The following FMNL3 variants were observed in gnomAD, a reference collection of about 807,000 sequenced individuals.
FMNL3 encodes formin like 3.
In FMNL3, 57 loss-of-function variants were observed where a neutral mutation model predicts 119.6. The ratio of observed to expected loss-of-function variants is 0.48; its 90% CI spans 0.39 to 0.59. The LOEUF (loss-of-function observed/expected upper bound fraction) is 0.59. Ranked by LOEUF, FMNL3 falls within the 20% of genes least tolerant of loss-of-function variation. The pLI is 0.00. For missense variants in FMNL3, 1,053 were observed against 1,323.5 expected, an observed-to-expected ratio of 0.80 and a Z score of 3.17; for synonymous variants, 491 against 507.3, an observed-to-expected ratio of 0.97 and a Z score of 0.43.
At position 49,691,850 on chromosome 12, in the gene FMNL3, A is replaced by G. The variant is rs565704495; in HGVS notation, c.126+15205T>C. Among the ~76,000 whole-genome samples the G allele has an allele frequency of 1.2e-3, 188 of 152,126 alleles. 1 individual carries two copies. The highest frequency in any genetic ancestry group is 2.3e-3 in the Non-Finnish European group (155 of 68,006). On this transcript the variant is annotated intron_variant, in intron 1 of 25. Coordinates refer to ENST00000335154, the MANE Select transcript of FMNL3 (RefSeq NM_175736.5). The stretch of plus-strand genomic sequence containing the variant: ...GTAGTTTGAGACCAGCCTGGCCAAC[A>G]TGGTGAAACCCCCATCTCTACTAAA...
Position 49,645,202 on chromosome 12 carries a change from GAGA to G in FMNL3, c.*610_*612del, listed in dbSNP as rs1943130774. On this transcript the variant is annotated 3_prime_UTR_variant, in exon 26 of 26. Transcript: ENST00000335154. Reference sequence around the variant, plus strand: ...CCATCTGCAGAGAGTGGTTGGTGCAGAGAAGACCTCTGCTCTTCTGCCCACCTT... The same window carrying G: ...CCATCTGCAGAGAGTGGTTGGTGCAGAGACCTCTGCTCTTCTGCCCACCTT... 1.3e-5 allele frequency: 2 copies of G among 151,630 alleles called. No individual in the cohort carries two copies. Among genetic ancestry groups the G allele is most frequent in the South Asian group, 4.1e-4 (2 of 4,822 alleles). 9.4% of individuals were successfully genotyped at this position (151,630 alleles called of 1,614,324 possible).
In FMNL3 at chr12:49,685,817, A is replaced by G. The variant is rs774344643; in HGVS notation, c.127-17263T>C. On this transcript the variant is annotated intron_variant, in intron 1 of 25. Transcript: ENST00000335154. ...TGCGGTGGCTCACAACTGTAATCCC[A>G]GCACTTTGGGAGGCCAAGGCAGGGG... Among the ~76,000 whole-genome samples, 130 of 152,354 alleles carry G rather than the reference A, an allele frequency of 8.5e-4. 1 individual carries two copies. Among genetic ancestry groups the G allele is most frequent in the Admixed American group, 6.1e-3 (94 of 15,312 alleles).
At chr12:49,673,519 C>T (rs1332758528) in intron 1 of FMNL3, among the ~76,000 whole-genome samples, 2 of 152,258 alleles carry the variant, frequency 1.3e-5, no homozygotes, top group Non-Finnish European at 2.9e-5. Flanking sequence ...GTGTAAGGAA[C>T]GGCCTCCACA....
chr12:49,639,178 T>C lies in FMNL3; in HGVS notation c.*6637A>G, dbSNP rs1480235769. On this transcript the variant is annotated 3_prime_UTR_variant, in exon 26 of 26. Coordinates refer to ENST00000335154, the MANE Select transcript of FMNL3 (RefSeq NM_175736.5). ...GGGAATGATCAGATTAGATGGTGTA[T>C]AGTAGAACCTTTCAGTCTAGAGTAC... is the stretch of plus-strand genomic sequence containing the variant. 1 of 152,190 alleles carries C rather than the reference T, an allele frequency of 6.6e-6. No individual in the cohort carries two copies. Among genetic ancestry groups the C allele is most frequent in the Non-Finnish European group, 1.5e-5 (1 of 68,036 alleles). 9.4% of individuals were successfully genotyped at this position (152,190 alleles called of 1,614,324 possible). A position where few individuals can be genotyped will look rare whatever the true frequency, so the allele number is the denominator to read the frequency against.
intron 2 of FMNL3, 92 bp from the exon 3 acceptor site, chr12:49,666,299 T>C: frequency 8.8e-7 from 1 of 1,136,744 alleles, no homozygotes; most frequent in South Asian, 1.5e-5. Flanking sequence ...GTGTTCAGTG[T>C]GAGGGGGACT....
At chr12:49,681,800 T>C (rs1944343235) in intron 1 of FMNL3, among the ~76,000 whole-genome samples, 1 of 146,632 alleles carries the variant, frequency 6.8e-6, no homozygotes, top group Admixed American at 6.7e-5. Flanking sequence ...TCAAGCAATC[T>C]TCCCACCTTG....
chr12:49,687,237 G>A (rs1014939566), intron 1 of FMNL3, among the ~76,000 whole-genome samples: 2 of 152,052 alleles, frequency 1.3e-5, no homozygotes, highest in South Asian at 2.1e-4. Flanking sequence ...GGGACTACAG[G>A]TGCCCGCCAC....
At chr12:49,679,784 GTGT>G (rs1944289959) in intron 1 of FMNL3, among the ~76,000 whole-genome samples, 1 of 152,286 alleles carries the variant, frequency 6.6e-6, no homozygotes, top group East Asian at 1.9e-4. Context: ...ACTTCCCAAA[GTGT>G]TGGGATTACA....
chr12:49,655,573 A>T (rs1943544051), intron 9 of FMNL3, among the ~76,000 whole-genome samples: 1 of 152,126 alleles, frequency 6.6e-6, no homozygotes, highest in Non-Finnish European at 1.5e-5. Context: ...GAAGAAACAT[A>T]GGGGTCTGAT....
intron 1 of FMNL3, among the ~76,000 whole-genome samples, chr12:49,680,360 G>A (rs1435303913): frequency 1.3e-5 from 2 of 152,240 alleles, no homozygotes; most frequent in Non-Finnish European, 2.9e-5. Flanking sequence ...TCTGTCACAA[G>A]TTGTATCAGC....
Position 49,636,621 on chromosome 12 carries a change from C to G in FMNL3, c.*9194G>C, listed in dbSNP as rs1187092913. On this transcript the variant is annotated 3_prime_UTR_variant, in exon 26 of 26. Coordinates refer to ENST00000335154, the MANE Select transcript of FMNL3 (RefSeq NM_175736.5). ...CCCACCACCCTGGGTATCCCTAGCACCTGTAGGACAGCATCGTTGAAACAT... is the reference window on the plus strand; with the variant it reads ...CCCACCACCCTGGGTATCCCTAGCAGCTGTAGGACAGCATCGTTGAAACAT... The G allele has an allele frequency of 1.9e-6, 3 of 1,560,496 alleles. No individual in the cohort carries two copies. The highest frequency in any genetic ancestry group is 1.8e-6 in the Non-Finnish European group (2 of 1,142,494).
chr12:49,665,659 G>C (rs1277505499), intron 4 of FMNL3, among the ~76,000 whole-genome samples, 173 bp downstream of exon 4: 2 of 152,222 alleles, frequency 1.3e-5, no homozygotes, highest in African/African-American at 4.8e-5. Flanking sequence ...GGGTAGAAAA[G>C]CCAGTAAAGA....
intron 1 of FMNL3, among the ~76,000 whole-genome samples, chr12:49,689,860 T>C (rs568179083): frequency 2.0e-5 from 3 of 152,150 alleles, no homozygotes; most frequent in Admixed American, 6.6e-5. Context: ...TCCTCCTCCT[T>C]AATTCCCTCC....
At chr12:49,674,696 A>T (rs1179561118) in intron 1 of FMNL3, among the ~76,000 whole-genome samples, 3 of 152,222 alleles carry the variant, frequency 2.0e-5, no homozygotes, top group African/African-American at 7.2e-5. Flanking sequence ...GTTTTGTTCA[A>T]TTGAAGCTAC....
intron 1 of FMNL3, among the ~76,000 whole-genome samples, chr12:49,673,674 C>A (rs544302179): frequency 2.0e-5 from 3 of 152,390 alleles, no homozygotes; most frequent in African/African-American, 7.2e-5. Context: ...GTAGCAGCTC[C>A]TAGACAATGA....
At chr12:49,701,820 A>C (rs2139060778) in intron 1 of FMNL3, among the ~76,000 whole-genome samples, 1 of 152,012 alleles carries the variant, frequency 6.6e-6, no homozygotes, top group East Asian at 1.9e-4. Context: ...GCTATTTGGG[A>C]GGCGAGGCAG....
intron 1 of FMNL3, among the ~76,000 whole-genome samples, chr12:49,686,479 G>A (rs1944463097): frequency 6.6e-6 from 1 of 151,082 alleles, no homozygotes; most frequent in Admixed American, 6.6e-5. Context: ...TTGGGAGGCT[G>A]AGGCAGGAGA....
Position 49,665,971 on chromosome 12 carries a change from C to T in FMNL3, c.292-63G>A, listed in dbSNP as rs529879552. ...GCAGTTATAGACTTTCCCTCCATTA[C>T]TGGCCAGCCATTCCAGGCCCTTGGC... On this transcript the variant is annotated intron_variant, in intron 3 of 25. Coordinates refer to ENST00000335154, the MANE Select transcript of FMNL3 (RefSeq NM_175736.5). 3.4e-5 allele frequency: 53 copies of T among 1,580,474 alleles called. No homozygotes were observed. In the South Asian group the frequency reaches 5.1e-4, roughly 15 times the overall value.
intron 1 of FMNL3, among the ~76,000 whole-genome samples, chr12:49,682,950 T>C (rs1474035803): frequency 2.0e-5 from 3 of 152,196 alleles, no homozygotes; most frequent in African/African-American, 7.2e-5. Context: ...TTTTGTTATC[T>C]GTGGAGAGAT....
Sources: allele counts gnomAD v4.1 joint callset (sites outside exome capture counted in the v4.1 genomes callset), GRCh38; gene constraint gnomAD v4.1.1; transcripts MANE v1.5; gene names NCBI Gene and HGNC (gene_info 2026-07-23, HGNC 2026-07-21).